Variants in SLIT3 observed in about 807,000 individuals in gnomAD.
The protein encoded by SLIT3 is slit guidance ligand 3.
SLIT3 carries 68 observed loss-of-function variants against 184.0 expected under a neutral mutation model. That is an observed-to-expected ratio of 0.37 (90% CI 0.30 to 0.45). SLIT3 has a LOEUF of 0.45. Among genes scored for constraint, SLIT3 ranks in the 20% least tolerant of loss-of-function variants. The pLI is 1.00. For synonymous variants in SLIT3, 831 were observed against 828.6 expected (o/e 1.00, Z -0.05); for missense variants, 1,707 against 2,026.0 (o/e 0.84, Z 3.02).
At chr5:169,165,616 C>T (rs954689543) in intron 4 of SLIT3, among the ~76,000 whole-genome samples, 5 of 152,036 alleles carry the variant, frequency 3.3e-5, no homozygotes, top group African/African-American at 1.2e-4. Flanking sequence ...GCATATGGCT[C>T]CTTCCCTCAC....
Position 168,772,923 on chromosome 5 carries a change from A to C in SLIT3, c.1317T>G (p.Phe439Leu), listed in dbSNP as rs1490448856. 6.2e-7 allele frequency: 1 copy of C among 1,610,966 alleles called. No individual in the cohort carries two copies. The change falls in exon 14 of 36, where the codon TTT becomes TTG. Residue 439 changes from phenylalanine to leucine, a missense_variant. Phe to Leu is a conservative substitution (Grantham distance 22). Around this residue, in one of 3 missense-constraint regions of SLIT3, gnomAD observed 1,307 missense variants for 1,511.6 expected, o/e 0.86. Transcript: ENST00000519560. ...GCCACTTCAAGTGGCAGTCGCACAC[A>C]AATGGGTTTTGGGCTAAGTGGCTGC... is the stretch of plus-strand genomic sequence containing the variant. ...IQTLHLAQNP[F>L]VCDCHLKWLA...
intron 4 of SLIT3, among the ~76,000 whole-genome samples, chr5:169,075,569 G>A (rs1427509866): frequency 6.6e-6 from 1 of 152,182 alleles, no homozygotes; most frequent in Non-Finnish European, 1.5e-5. Context: ...GGAGTGGGCT[G>A]TATAAGAGCT....
At chr5:168,680,052 C>T (rs959266782) in intron 32 of SLIT3, among the ~76,000 whole-genome samples, 40 of 152,316 alleles carry the variant, frequency 2.6e-4, no homozygotes, top group Admixed American at 1.8e-3. Context: ...CCGGTGGTCC[C>T]GCTTCTCTTG....
At chr5:169,268,860 T>A (rs1392369334) in intron 1 of SLIT3, among the ~76,000 whole-genome samples, 1 of 152,208 alleles carries the variant, frequency 6.6e-6, no homozygotes, top group Non-Finnish European at 1.5e-5. Context: ...TATTGATTTA[T>A]CATGTCATAT....
intron 4 of SLIT3, among the ~76,000 whole-genome samples, chr5:169,146,105 G>T (rs974487308): frequency 6.6e-6 from 1 of 152,208 alleles, no homozygotes; most frequent in Non-Finnish European, 1.5e-5. Flanking sequence ...AGGCACTTTT[G>T]ATTCTTACAA....
Position 168,696,436 on chromosome 5 carries a change from G to T in SLIT3, c.2943-5C>A. ...AAGCCCAGAGGGCAGGAGCAGCTTT[G>T]GGATGTGAGGGGTGGAGAGCAGGGG... On this transcript the variant is annotated splice_polypyrimidine_tract_variant and splice_region_variant and intron_variant, in intron 27 of 35. Transcript: ENST00000519560. 6.2e-7 allele frequency: 1 copy of T among 1,614,040 alleles called. No individual in the cohort carries two copies. Among genetic ancestry groups the T allele is most frequent in the Non-Finnish European group, 8.5e-7 (1 of 1,180,018 alleles).
At chr5:169,169,786 A>T (rs1762759698) in intron 4 of SLIT3, among the ~76,000 whole-genome samples, 1 of 152,272 alleles carries the variant, frequency 6.6e-6, no homozygotes, top group Admixed American at 6.5e-5. Context: ...GACTGAGGAG[A>T]TGAAATGAGG....
intron 14 of SLIT3, among the ~76,000 whole-genome samples, chr5:168,769,813 T>C (rs1252101597): frequency 6.6e-6 from 1 of 152,196 alleles, no homozygotes; most frequent in Non-Finnish European, 1.5e-5. Flanking sequence ...GTCTTCACAG[T>C]ATGTCAGAAG....
At chr5:168,847,070 T>TGATCATTTAGC (rs1252436054) in intron 5 of SLIT3, among the ~76,000 whole-genome samples, 1 of 152,236 alleles carries the variant, frequency 6.6e-6, no homozygotes, top group Non-Finnish European at 1.5e-5. Flanking sequence ...TTGAGAGGGC[T>TGATCATTTAGC]CTGATCATTT....
chr5:168,968,470 A>T (rs1561580057), intron 4 of SLIT3, among the ~76,000 whole-genome samples: 1 of 152,188 alleles, frequency 6.6e-6, no homozygotes, highest in Non-Finnish European at 1.5e-5. Context: ...CTCGCTGCCA[A>T]CTTTGGAAGG....
intron 4 of SLIT3, among the ~76,000 whole-genome samples, chr5:169,051,706 T>A (rs189190643): frequency 3.8e-4 from 58 of 152,198 alleles, no homozygotes; most frequent in Non-Finnish European, 6.6e-4. Flanking sequence ...AAGTGGAAAA[T>A]CCACCCTGCA....
At chr5:168,709,822 A>G (rs1762494739) in intron 25 of SLIT3, among the ~76,000 whole-genome samples, 2 of 149,846 alleles carry the variant, frequency 1.3e-5, no homozygotes, top group Admixed American at 1.3e-4. Context: ...CAAAGACAAA[A>G]TAAAAGGAGT....
chr5:168,817,484 G>C, intron 7 of SLIT3, 21 bp from the exon 8 acceptor site: 1 of 1,590,418 alleles, frequency 6.3e-7, no homozygotes, highest in Non-Finnish European at 8.5e-7. Context: ...GCGGGACAGA[G>C]AGAAGGCATG....
intron 4 of SLIT3, among the ~76,000 whole-genome samples, chr5:168,969,100 T>C (rs975870853): frequency 1.1e-4 from 16 of 152,204 alleles, no homozygotes; most frequent in Admixed American, 6.5e-4. Flanking sequence ...ATTAATCATT[T>C]TGATGTAGAG....
At chr5:168,751,227 T>C (rs1754690318) in intron 18 of SLIT3, among the ~76,000 whole-genome samples, 1 of 152,180 alleles carries the variant, frequency 6.6e-6, no homozygotes, top group Non-Finnish European at 1.5e-5. Context: ...TCCTCTAACT[T>C]CGGCTTTGAT....
At chr5:168,975,400 T>C (rs967076364) in intron 4 of SLIT3, among the ~76,000 whole-genome samples, 1 of 152,086 alleles carries the variant, frequency 6.6e-6, no homozygotes, top group South Asian at 2.1e-4. Flanking sequence ...TTCTGGACCA[T>C]GTCAGTCCAG....
chr5:168,814,272 C>A (rs1338619297), intron 8 of SLIT3, among the ~76,000 whole-genome samples: 1 of 152,054 alleles, frequency 6.6e-6, no homozygotes, highest in Non-Finnish European at 1.5e-5. Context: ...TGGTAGGTGC[C>A]TGTAATCCAG....
At chr5:169,195,878 A>C (rs1041974845) in intron 3 of SLIT3, among the ~76,000 whole-genome samples, 2 of 152,202 alleles carry the variant, frequency 1.3e-5, no homozygotes, top group Non-Finnish European at 2.9e-5. Flanking sequence ...AAATTGCAGT[A>C]AAATCACATA....
At chr5:168,681,851 C>T (rs12521041) in intron 32 of SLIT3, among the ~76,000 whole-genome samples, 45,987 of 152,020 alleles carry the variant, frequency 0.3, 7,642 homozygotes, top group African/African-American at 0.44. Context: ...GACATGTCTG[C>T]GTAAAGGCTT....
Sources: allele counts gnomAD v4.1 joint callset (sites outside exome capture counted in the v4.1 genomes callset), GRCh38; gene constraint gnomAD v4.1.1; regional missense constraint gnomAD v4.1.1; transcripts MANE v1.5; gene names NCBI Gene and HGNC (gene_info 2026-07-23, HGNC 2026-07-21).